The following FLT1 variants were observed in gnomAD, a reference collection of about 807,000 sequenced individuals.
FLT1 encodes fms related receptor tyrosine kinase 1.
In FLT1, 49 loss-of-function variants were observed where a neutral mutation model predicts 156.3. The observed-to-expected ratio is 0.31, with a 90% CI of 0.25 to 0.40. The LOEUF (loss-of-function observed/expected upper bound fraction) is 0.40. Among genes scored for constraint, FLT1 ranks in the 10% least tolerant of loss-of-function variants. FLT1 has a pLI of 1.00. For missense variants in FLT1, 1,322 were observed against 1,637.2 expected (o/e 0.81, Z 3.32); for synonymous variants, 594 against 583.8 (o/e 1.02, Z -0.25).
chr13:28,413,656 C>T (rs1479365341), intron 10 of FLT1, among the ~76,000 whole-genome samples: 1 of 152,102 alleles, frequency 6.6e-6, no homozygotes, highest in Non-Finnish European at 1.5e-5. Context: ...TTAACACATT[C>T]AAGAAGGAGG....
At chr13:28,477,982 G>C (rs920669801) in intron 1 of FLT1, among the ~76,000 whole-genome samples, 5 of 152,226 alleles carry the variant, frequency 3.3e-5, no homozygotes, top group African/African-American at 1.2e-4. Flanking sequence ...GTGGCTTAGT[G>C]AAAGTAACTG....
At chr13:28,473,766 G>C (rs1880345098) in intron 1 of FLT1, among the ~76,000 whole-genome samples, 2 of 100,294 alleles carry the variant, frequency 2.0e-5, no homozygotes, top group Non-Finnish European at 4.2e-5. Flanking sequence ...AGGAAGGAAG[G>C]AAGGAAGGAA....
intron 22 of FLT1, 143 bp from the exon 23 acceptor site, chr13:28,321,728 A>T: frequency 2.5e-6 from 2 of 807,164 alleles, no homozygotes; most frequent in Admixed American, 4.2e-5. Flanking sequence ...CAGAGTTACC[A>T]TAAACATGAA....
At chr13:28,493,749 TC>T (rs1199459181) in intron 1 of FLT1, among the ~76,000 whole-genome samples, 1 of 152,124 alleles carries the variant, frequency 6.6e-6, no homozygotes, top group East Asian at 1.9e-4. Flanking sequence ...ACCCTCAAGT[TC>T]CTCGGGGCTT....
chr13:28,316,828 G>C (rs1014488255), intron 25 of FLT1, among the ~76,000 whole-genome samples: 1 of 151,808 alleles, frequency 6.6e-6, no homozygotes, highest in Non-Finnish European at 1.5e-5. Flanking sequence ...TCACCATGTC[G>C]GCCAGGCTAG....
rs546890023 is a variant in FLT1 at position 28,343,074 on chromosome 13, G to A, written c.2355+2371C>T. ...ACTCACTGCAACTTCTGCCTCCCGG[G>A]TTCAAGTGATTCTCCTGCTTCAGCC... On this transcript the variant is annotated intron_variant, in intron 16 of 29. Transcript: ENST00000282397. 2.0e-4 allele frequency among the ~76,000 whole-genome samples: 31 copies of A among 152,168 alleles called. 1 individual carries two copies. In the South Asian group the frequency reaches 5.8e-3, roughly 29 times the overall value.
At chr13:28,464,083 A>G (rs950620896) in intron 3 of FLT1, among the ~76,000 whole-genome samples, 3 of 152,210 alleles carry the variant, frequency 2.0e-5, no homozygotes, top group African/African-American at 7.2e-5. Flanking sequence ...AATATCTTTT[A>G]GTATCAGTGC....
chr13:28,315,034 A>G (rs565766660), intron 25 of FLT1, among the ~76,000 whole-genome samples: 2 of 152,290 alleles, frequency 1.3e-5, no homozygotes, highest in South Asian at 4.1e-4. Context: ...GCAGTGTAGG[A>G]TGGTGCTGTG....
intron 1 of FLT1, among the ~76,000 whole-genome samples, chr13:28,480,127 T>C (rs1471808237): frequency 6.6e-6 from 1 of 152,230 alleles, no homozygotes; most frequent in Non-Finnish European, 1.5e-5. Flanking sequence ...GTCTGGGAAC[T>C]CCATCCTCAT....
chr13:28,434,216 G>A lies in FLT1; in HGVS notation c.518C>T (p.Pro173Leu). The A allele has an allele frequency of 1.2e-6, 2 of 1,613,934 alleles. No individual in the cohort carries two copies. Among genetic ancestry groups the A allele is most frequent in the Non-Finnish European group, 1.7e-6 (2 of 1,179,962 alleles). The change falls in exon 5 of 30, where the codon CCA (proline) becomes CTA (leucine). Residue 173 changes from proline (P) to leucine (L), a missense_variant. By Grantham distance (98) the Pro-to-Leu change is moderately conservative. Around this residue, in one of 3 missense-constraint regions of FLT1, gnomAD observed 991 missense variants for 1,254.8 expected, o/e 0.79. Transcript: ENST00000282397. ...TCCATCAGGGATCAAAGTGTCAAGT[G>A]GAAACTGAAAAGGAAGAGGCATGCA... ...PNITVTLKKFPLDTLIPDGKR... is the reference protein window; with the variant it reads ...PNITVTLKKFLLDTLIPDGKR...
At chr13:28,492,712 C>G (rs930141026) in intron 1 of FLT1, among the ~76,000 whole-genome samples, 1 of 152,124 alleles carries the variant, frequency 6.6e-6, no homozygotes, top group Non-Finnish European at 1.5e-5. Flanking sequence ...CATTGCTTCC[C>G]GGATATGCAG....
At chr13:28,426,917 G>A (rs1311335935) in intron 10 of FLT1, among the ~76,000 whole-genome samples, 2 of 152,162 alleles carry the variant, frequency 1.3e-5, no homozygotes, top group Non-Finnish European at 2.9e-5. Flanking sequence ...CCTTAGTTTT[G>A]TGCTTGTGCT....
At chr13:28,356,523 G>A (rs1872904857) in intron 15 of FLT1, among the ~76,000 whole-genome samples, 1 of 152,182 alleles carries the variant, frequency 6.6e-6, no homozygotes, top group Admixed American at 6.5e-5. Context: ...GTATAAATTT[G>A]TGGTAGAGTA....
At chr13:28,376,210 T>A (rs956802683) in intron 14 of FLT1, among the ~76,000 whole-genome samples, 1 of 152,218 alleles carries the variant, frequency 6.6e-6, no homozygotes, top group Non-Finnish European at 1.5e-5. Flanking sequence ...ACAGGAAAGA[T>A]GTCCTCTAAC....
chr13:28,477,916 C>T (rs1049746500), intron 1 of FLT1, among the ~76,000 whole-genome samples: 31 of 152,164 alleles, frequency 2.0e-4, no homozygotes, highest in Non-Finnish European at 7.4e-5. Context: ...ACTGATTGCT[C>T]AGTGGAGATG....
chr13:28,317,859 T>C (rs1461188844), intron 24 of FLT1, among the ~76,000 whole-genome samples: 1 of 152,256 alleles, frequency 6.6e-6, no homozygotes, highest in Non-Finnish European at 1.5e-5. Flanking sequence ...TACTTCTGCC[T>C]GTGTGGTCAG....
intron 12 of FLT1, among the ~76,000 whole-genome samples, chr13:28,393,046 C>T (rs1025806288): frequency 1.3e-5 from 2 of 151,924 alleles, no homozygotes; most frequent in African/African-American, 4.8e-5. Context: ...GAAAGAATTG[C>T]CTTCTAACCC....
At chr13:28,437,299 G>T (rs1328994964) in intron 4 of FLT1, among the ~76,000 whole-genome samples, 1 of 152,174 alleles carries the variant, frequency 6.6e-6, no homozygotes, top group African/African-American at 2.4e-5. Context: ...AAGGAAAGAG[G>T]ATAAGGAGAA....
intron 25 of FLT1, among the ~76,000 whole-genome samples, chr13:28,313,675 A>G (rs1337820143): frequency 6.6e-6 from 1 of 152,152 alleles, no homozygotes; most frequent in Non-Finnish European, 1.5e-5. Flanking sequence ...CCTTCTGTGA[A>G]TTCTTCAGCT....
Sources: allele counts gnomAD v4.1 joint callset (sites outside exome capture counted in the v4.1 genomes callset), GRCh38; gene constraint gnomAD v4.1.1; regional missense constraint gnomAD v4.1.1; transcripts MANE v1.5; gene names NCBI Gene and HGNC (gene_info 2026-07-23, HGNC 2026-07-21).